Variants in CCDC91 observed in about 807,000 individuals in gnomAD.
CCDC91 encodes the protein coiled-coil domain-containing protein 91.
CCDC91 carries 48 observed loss-of-function variants against 63.2 expected under a neutral mutation model. That is an observed-to-expected ratio of 0.76 (90% CI 0.60 to 0.97). The LOEUF (loss-of-function observed/expected upper bound fraction) is 0.97, where lower values mean the gene tolerates loss of function less well. Ranked by LOEUF, CCDC91 falls within the 50% of genes least tolerant of loss-of-function variation. CCDC91 has a pLI of 0.00. For missense variants in CCDC91, 500 were observed against 494.6 expected (o/e 1.01, Z -0.10); for synonymous variants, 167 against 165.8 (o/e 1.01, Z -0.06).
intron 1 of CCDC91, chr12:28,199,112 C>G (rs10843126): frequency 0.26 from 39,621 of 151,806 alleles, 5,426 homozygotes; most frequent in Non-Finnish European, 0.31. Context: ...CAGGTTCTTA[C>G]TCTGTTGCCT....
chr12:28,407,002 C>G (rs968472614), intron 8 of CCDC91, among the ~76,000 whole-genome samples: 6 of 152,066 alleles, frequency 3.9e-5, no homozygotes, highest in Non-Finnish European at 5.9e-5. Flanking sequence ...AGGCAGTTTT[C>G]TCATGAATGA....
In CCDC91 at chr12:28,450,190, A is replaced by G. The variant is rs745360352; in HGVS notation, c.792A>G (p.Thr264=). 6.2e-7 allele frequency: 1 copy of G among 1,608,666 alleles called. No individual in the cohort carries two copies. Among genetic ancestry groups the G allele is most frequent in the Non-Finnish European group, 8.5e-7 (1 of 1,177,140 alleles). The change falls in exon 9 of 13, where the codon ACA becomes ACG. Residue 264 remains threonine (T), a synonymous_variant. Transcript: ENST00000536442. ...AGAGGCTCCTTGAAATGCTAGATAC[A>G]GAGAAGGAACTGTTAAAAGAAAAAA... ...QHQRLLEMLD[T]EKELLKEKIK... is the part of the protein sequence containing the mutation.
At chr12:28,440,277 C>T (rs1247310684) in intron 8 of CCDC91, among the ~76,000 whole-genome samples, 1 of 152,134 alleles carries the variant, frequency 6.6e-6, no homozygotes, top group East Asian at 1.9e-4. Context: ...TTGTTTCTCC[C>T]ATATTGCCTC....
intron 1 of CCDC91, among the ~76,000 whole-genome samples, chr12:28,206,417 A>G (rs758002731): frequency 9.2e-5 from 14 of 152,152 alleles, no homozygotes; most frequent in Non-Finnish European, 1.9e-4. Context: ...AGACCGTTAG[A>G]TATTCTAGAG....
chr12:28,366,636 G>C (rs1944292182), intron 7 of CCDC91, among the ~76,000 whole-genome samples: 1 of 152,142 alleles, frequency 6.6e-6, no homozygotes, highest in Non-Finnish European at 1.5e-5. Flanking sequence ...TGTCGGGATA[G>C]GCCATCTAGG....
intron 1 of CCDC91, among the ~76,000 whole-genome samples, chr12:28,238,210 C>A (rs760077577): frequency 2.0e-5 from 3 of 152,064 alleles, no homozygotes; most frequent in Non-Finnish European, 2.9e-5. Context: ...TATATAATAA[C>A]TTCTTAGATA....
intron 8 of CCDC91, among the ~76,000 whole-genome samples, chr12:28,403,355 C>A (rs1946750766): frequency 6.6e-6 from 1 of 152,076 alleles, no homozygotes; most frequent in African/African-American, 2.4e-5. Context: ...GGCTTGTAAA[C>A]AATAGAAATT....
intron 1 of CCDC91, among the ~76,000 whole-genome samples, chr12:28,191,023 A>G (rs1289838042): frequency 2.0e-5 from 3 of 152,260 alleles, no homozygotes; most frequent in Admixed American, 6.5e-5. Context: ...TGGTTTATGT[A>G]TCCCCTTTTA....
In CCDC91 at chr12:28,295,689, C is replaced by T. The variant is rs1013306048; in HGVS notation, c.110-9960C>T. 7.2e-5 allele frequency among the ~76,000 whole-genome samples: 11 copies of T among 151,974 alleles called. 1 individual carries two copies. Among genetic ancestry groups the T allele is most frequent in the Admixed American group, 7.2e-4 (11 of 15,256 alleles). ...TTAGATAAATGAGTCCAATAAAGAACACAGGCACTGTTTTCTTAAGTGTGT... is the reference window on the plus strand; with the variant it reads ...TTAGATAAATGAGTCCAATAAAGAATACAGGCACTGTTTTCTTAAGTGTGT... On this transcript the variant is annotated intron_variant, in intron 3 of 12. Coordinates refer to ENST00000536442, the MANE Select transcript of CCDC91 (RefSeq NM_018318.5).
At chr12:28,343,637 A>T (rs1942600419) in intron 6 of CCDC91, among the ~76,000 whole-genome samples, 2 of 152,104 alleles carry the variant, frequency 1.3e-5, no homozygotes, top group South Asian at 4.1e-4. Flanking sequence ...AGGGGAGAGG[A>T]ATGTTCCTTT....
intron 12 of CCDC91, among the ~76,000 whole-genome samples, chr12:28,523,109 A>G (rs1194631726): frequency 2.0e-5 from 3 of 152,034 alleles, no homozygotes; most frequent in African/African-American, 7.2e-5. Context: ...GCAGAGCTGA[A>G]TTCAATTCCT....
At chr12:28,315,631 TC>T (rs1393586934) in intron 6 of CCDC91, among the ~76,000 whole-genome samples, 1 of 152,038 alleles carries the variant, frequency 6.6e-6, no homozygotes. Flanking sequence ...CATTATACTT[TC>T]CAGGAAAGTT....
chr12:28,455,404 C>T (rs1340857601), intron 11 of CCDC91, among the ~76,000 whole-genome samples: 6 of 152,018 alleles, frequency 3.9e-5, no homozygotes, highest in African/African-American at 1.4e-4. Flanking sequence ...AGACTTTACC[C>T]CTGGGCTACT....
chr12:28,434,320 G>T (rs1048280443), intron 8 of CCDC91, among the ~76,000 whole-genome samples: 1 of 151,454 alleles, frequency 6.6e-6, no homozygotes, highest in South Asian at 2.1e-4. Context: ...AAAAAATCAT[G>T]AATACCGATT....
intron 6 of CCDC91, among the ~76,000 whole-genome samples, chr12:28,325,486 TA>T (rs1300805050): frequency 6.6e-6 from 1 of 151,756 alleles, no homozygotes; most frequent in Admixed American, 6.6e-5. Context: ...CAGTGTTTAA[TA>T]AACATAAAAA....
At chr12:28,339,548 A>T (rs1476997149) in intron 6 of CCDC91, among the ~76,000 whole-genome samples, 1 of 152,086 alleles carries the variant, frequency 6.6e-6, no homozygotes, top group Non-Finnish European at 1.5e-5. Context: ...AACAATAAAA[A>T]TAATATAGAT....
intron 12 of CCDC91, among the ~76,000 whole-genome samples, chr12:28,511,690 A>G (rs912369943): frequency 1.1e-4 from 17 of 151,860 alleles, no homozygotes; most frequent in African/African-American, 3.9e-4. Context: ...GTCTGAGGAA[A>G]AGCTGTACTT....
intron 6 of CCDC91, among the ~76,000 whole-genome samples, chr12:28,341,955 A>T (rs1942456311): frequency 6.6e-6 from 1 of 152,180 alleles, no homozygotes; most frequent in South Asian, 2.1e-4. Flanking sequence ...AAATTCCAGA[A>T]TCTGTGAATA....
At chr12:28,362,098 A>C (rs1943926178) in intron 6 of CCDC91, among the ~76,000 whole-genome samples, 1 of 152,034 alleles carries the variant, frequency 6.6e-6, no homozygotes, top group Admixed American at 6.5e-5. Flanking sequence ...TATAGAGGCC[A>C]AGGCTTGTTG....
Sources: allele counts gnomAD v4.1 joint callset (sites outside exome capture counted in the v4.1 genomes callset), GRCh38; gene constraint gnomAD v4.1.1; transcripts MANE v1.5; gene names NCBI Gene and HGNC (gene_info 2026-07-23, HGNC 2026-07-21).